Variants in NIPBL observed in about 807,000 individuals in gnomAD.
The protein encoded by NIPBL is nipped-B-like protein.
NIPBL carries 19 observed loss-of-function variants against 321.8 expected under a neutral mutation model. That is an observed-to-expected ratio of 0.06 (90% CI 0.04 to 0.09). The LOEUF is 0.09. Ranked by LOEUF, NIPBL falls within the 10% of genes least tolerant of loss-of-function variation. NIPBL has a pLI of 1.00. For synonymous variants in NIPBL, 1,106 were observed against 1,114.1 expected (o/e 0.99, Z 0.14); for missense variants, 2,210 against 3,327.0 (o/e 0.66, Z 8.26).
chr5:36,884,996 A>G (rs1745782691), intron 1 of NIPBL, among the ~76,000 whole-genome samples: 1 of 152,184 alleles, frequency 6.6e-6, no homozygotes, highest in Non-Finnish European at 1.5e-5. Flanking sequence ...TTGGAGTAAG[A>G]TACTGGAGTA....
chr5:37,047,546 A>G (rs1753107001), intron 38 of NIPBL, among the ~76,000 whole-genome samples: 3 of 152,228 alleles, frequency 2.0e-5, no homozygotes, highest in Admixed American at 1.3e-4. Context: ...CTTCAAGCCA[A>G]TGTGTACCTT....
rs1029975833 is a variant in NIPBL at position 37,001,145 on chromosome 5, C to T, written c.3664+67C>T. On this transcript the variant is annotated intron_variant, in intron 14 of 46. Transcript: ENST00000282516. The stretch of plus-strand genomic sequence containing the variant: ...CTTAACTGTATCCTCTAGAGTAACT[C>T]AGTTACTCTAGTGATGTGTCCTACC... The T allele has an allele frequency of 2.9e-6, 3 of 1,023,208 alleles. No homozygotes were observed. In the Admixed American group the frequency reaches 5.1e-5, roughly 17 times the overall value. The allele number at this position is 1,023,208 out of a possible 1,614,324, so 63.4% of individuals were successfully genotyped here.
intron 33 of NIPBL, among the ~76,000 whole-genome samples, chr5:37,037,953 G>T: frequency 6.8e-6 from 1 of 146,128 alleles, no homozygotes; most frequent in African/African-American, 2.5e-5. Context: ...TTTCACCTCA[G>T]CTAAATTGCT....
At chr5:36,958,840 A>G (rs1331763181) in intron 4 of NIPBL, among the ~76,000 whole-genome samples, 1 of 152,182 alleles carries the variant, frequency 6.6e-6, no homozygotes, top group Non-Finnish European at 1.5e-5. Flanking sequence ...TTTGGCTCTC[A>G]AGATTAAAAT....
rs375297039 is a variant in NIPBL at position 36,900,724 on chromosome 5, C to T, written c.-80+23546C>T. On this transcript the variant is annotated intron_variant, in intron 1 of 46. Coordinates refer to ENST00000282516, the MANE Select transcript of NIPBL (RefSeq NM_133433.4). ...AATAAAGAAATGAAGTTGCGAGAGGCTGATTCATTAGCTTTAGCTGTAAGT... is the reference window on the plus strand; with the variant it reads ...AATAAAGAAATGAAGTTGCGAGAGGTTGATTCATTAGCTTTAGCTGTAAGT... Among the ~76,000 whole-genome samples the T allele has an allele frequency of 2.8e-4, 43 of 152,034 alleles. No individual in the cohort carries two copies. The Middle Eastern group carries it at 0.01, about 36-fold the overall frequency.
At chr5:36,898,574 C>T (rs1213687956) in intron 1 of NIPBL, among the ~76,000 whole-genome samples, 1 of 149,716 alleles carries the variant, frequency 6.7e-6, no homozygotes, top group African/African-American at 2.5e-5. Context: ...TGCAGTGGCA[C>T]GATCTCAGCT....
At chr5:36,893,847 C>T (rs1009305117) in intron 1 of NIPBL, among the ~76,000 whole-genome samples, 6 of 152,054 alleles carry the variant, frequency 3.9e-5, no homozygotes, top group South Asian at 4.2e-4. Context: ...CTAGCGAGGA[C>T]GTAGAATTGA....
At chr5:36,973,310 C>G (rs1743075003) in intron 8 of NIPBL, among the ~76,000 whole-genome samples, 1 of 150,392 alleles carries the variant, frequency 6.6e-6, no homozygotes, top group South Asian at 2.1e-4. Flanking sequence ...TACTATTTAT[C>G]AAGGACATTT....
chr5:36,896,253 A>G (rs1263094894), intron 1 of NIPBL, among the ~76,000 whole-genome samples: 2 of 152,116 alleles, frequency 1.3e-5, no homozygotes, highest in African/African-American at 4.8e-5. Context: ...TTAAGAGTTT[A>G]TTTTTGGCTC....
chr5:36,898,453 A>G (rs1186215989), intron 1 of NIPBL, among the ~76,000 whole-genome samples: 15 of 152,156 alleles, frequency 9.9e-5, no homozygotes, highest in Non-Finnish European at 1.5e-4. Flanking sequence ...TAATTTGCCC[A>G]AGCTTACACA....
At chr5:37,064,279 T>C in intron 46 of NIPBL, 2 of 1,375,162 alleles carry the variant, frequency 1.5e-6, no homozygotes, top group Non-Finnish European at 1.9e-6. Context: ...ATATGGTTCA[T>C]ATGTATATAT....
chr5:37,038,316 A>G (rs1421802024), intron 33 of NIPBL, among the ~76,000 whole-genome samples: 1 of 152,110 alleles, frequency 6.6e-6, no homozygotes, highest in Non-Finnish European at 1.5e-5. Context: ...AACCAATACG[A>G]CATTTATTCC....
intron 9 of NIPBL, among the ~76,000 whole-genome samples, chr5:36,981,076 T>TA (rs1036355843): frequency 6.6e-6 from 1 of 151,778 alleles, no homozygotes; most frequent in Non-Finnish European, 1.5e-5. Flanking sequence ...GACTAAATGT[T>TA]AAAGTGGACA....
At chr5:36,940,132 A>G (rs1012556901) in intron 1 of NIPBL, among the ~76,000 whole-genome samples, 6 of 152,256 alleles carry the variant, frequency 3.9e-5, no homozygotes, top group South Asian at 2.1e-4. Context: ...GTGAGAAACT[A>G]TTGTTCTTTC....
At chr5:37,016,825 T>A (rs1272770790) in intron 23 of NIPBL, among the ~76,000 whole-genome samples, 194 bp from the exon 24 acceptor site, 1 of 152,030 alleles carries the variant, frequency 6.6e-6, no homozygotes, top group Non-Finnish European at 1.5e-5. Flanking sequence ...TAATCTGTAA[T>A]TTTTTTAGTC....
chr5:37,031,054 G>A (rs1035582351), intron 32 of NIPBL, among the ~76,000 whole-genome samples: 7 of 151,116 alleles, frequency 4.6e-5, no homozygotes, highest in African/African-American at 1.2e-4. Flanking sequence ...CACGATCTCC[G>A]CTCACTGCAA....
chr5:36,917,764 C>T (rs1325305112), intron 1 of NIPBL, among the ~76,000 whole-genome samples: 6 of 152,126 alleles, frequency 3.9e-5, no homozygotes, highest in Admixed American at 6.5e-5. Context: ...TTCCCAGCAC[C>T]ATTTATTAAA....
chr5:37,026,549 T>A (rs1750289801), intron 31 of NIPBL, among the ~76,000 whole-genome samples: 1 of 152,204 alleles, frequency 6.6e-6, no homozygotes, highest in African/African-American at 2.4e-5. Flanking sequence ...ATGTAAACAC[T>A]GATACTGAGA....
At chr5:36,932,395 C>T (rs1284515753) in intron 1 of NIPBL, among the ~76,000 whole-genome samples, 4 of 152,128 alleles carry the variant, frequency 2.6e-5, no homozygotes, top group Non-Finnish European at 4.4e-5. Flanking sequence ...CATGTATAAA[C>T]GTTATATCTT....
Sources: allele counts gnomAD v4.1 joint callset (sites outside exome capture counted in the v4.1 genomes callset), GRCh38; gene constraint gnomAD v4.1.1; transcripts MANE v1.5; gene names NCBI Gene and HGNC (gene_info 2026-07-23, HGNC 2026-07-21).